Variants in RARB observed in about 807,000 individuals in gnomAD.
RARB encodes HBV-activated protein.
In RARB, 17 loss-of-function variants were observed where a neutral mutation model predicts 51.9. The ratio of observed to expected loss-of-function variants is 0.33; its 90% confidence interval spans 0.22 to 0.49. RARB has a LOEUF of 0.49. RARB is among the 20% of genes least tolerant of loss of function. The pLI is 0.99. For synonymous variants in RARB, 215 were observed against 195.4 expected (o/e 1.10, Z -0.84); for missense variants, 369 against 550.8 (o/e 0.67, Z 3.30).
intron 2 of RARB, among the ~76,000 whole-genome samples, chr3:25,011,165 G>A (rs1697386535): frequency 6.6e-6 from 1 of 152,116 alleles, no homozygotes; most frequent in Admixed American, 6.6e-5. Flanking sequence ...AGAAATCCCT[G>A]CTTTTATGGA....
At chr3:25,406,876 C>T (rs115795344) in intron 5 of RARB, among the ~76,000 whole-genome samples, 1,788 of 152,274 alleles carry the variant, frequency 0.012, 43 homozygotes, top group African/African-American at 0.041. Flanking sequence ...TTGAGCTCAT[C>T]ATTCATACCA....
intron 3 of RARB, among the ~76,000 whole-genome samples, chr3:25,065,161 A>G (rs1698636673): frequency 1.3e-5 from 2 of 150,462 alleles, no homozygotes; most frequent in South Asian, 2.1e-4. Flanking sequence ...CTTCTACATT[A>G]TTGTGAGATT....
intron 3 of RARB, among the ~76,000 whole-genome samples, chr3:25,560,370 A>G (rs564222776): frequency 3.3e-5 from 5 of 152,354 alleles, no homozygotes; most frequent in Admixed American, 6.5e-5. Context: ...GCTTCTCTAC[A>G]TTAATATCTT....
intron 4 of RARB, among the ~76,000 whole-genome samples, chr3:25,133,538 G>C (rs1187580905): frequency 6.6e-6 from 1 of 151,914 alleles, no homozygotes; most frequent in Non-Finnish European, 1.5e-5. Context: ...CTTGGTTTGA[G>C]GCAAAGCTAG....
At chr3:24,872,491 G>A (rs1020551820) in intron 2 of RARB, among the ~76,000 whole-genome samples, 1 of 152,156 alleles carries the variant, frequency 6.6e-6, no homozygotes, top group Non-Finnish European at 1.5e-5. Context: ...TACTATGCAA[G>A]AAGCACGGTG....
intron 2 of RARB, among the ~76,000 whole-genome samples, chr3:24,997,978 A>G (rs73820381): frequency 4.7e-4 from 72 of 152,144 alleles, no homozygotes; most frequent in African/African-American, 1.6e-3. Context: ...TTATATAGTG[A>G]TATTCTTTCT....
chr3:24,981,235 C>G (rs1468655045), intron 2 of RARB, among the ~76,000 whole-genome samples: 1 of 152,218 alleles, frequency 6.6e-6, no homozygotes, highest in Non-Finnish European at 1.5e-5. Flanking sequence ...CAGGGACCCA[C>G]TTGAGGAGGC....
At chr3:25,023,411 T>C (rs1489995569) in intron 2 of RARB, among the ~76,000 whole-genome samples, 1 of 152,144 alleles carries the variant, frequency 6.6e-6, no homozygotes, top group African/African-American at 2.4e-5. Flanking sequence ...TTAAGACGAA[T>C]GTTGGCTTTG....
At chr3:25,092,398 T>C (rs1291758808) in intron 3 of RARB, among the ~76,000 whole-genome samples, 1 of 152,170 alleles carries the variant, frequency 6.6e-6, no homozygotes, top group African/African-American at 2.4e-5. Context: ...TCTTTCCATA[T>C]AAAGTGTCTC....
At chr3:24,901,760 G>C (rs1332939954) in intron 2 of RARB, among the ~76,000 whole-genome samples, 2 of 152,136 alleles carry the variant, frequency 1.3e-5, no homozygotes. Flanking sequence ...TTGCTGACTA[G>C]GGGGATTCCT....
chr3:25,237,082 C>A (rs897498902), intron 5 of RARB, among the ~76,000 whole-genome samples: 1 of 151,038 alleles, frequency 6.6e-6, no homozygotes, highest in Non-Finnish European at 1.5e-5. Context: ...TAATTGCTAT[C>A]TTTCCATTTA....
intron 5 of RARB, among the ~76,000 whole-genome samples, chr3:25,302,578 T>A (rs932091259): frequency 6.6e-6 from 1 of 152,178 alleles, no homozygotes; most frequent in Non-Finnish European, 1.5e-5. Context: ...GAAAGTAGAT[T>A]AGCAGCTTCC....
At chr3:25,471,237 T>C (rs886972960) in intron 2 of RARB, among the ~76,000 whole-genome samples, 2 of 152,172 alleles carry the variant, frequency 1.3e-5, no homozygotes, top group African/African-American at 4.8e-5. Context: ...TTAACCTTCA[T>C]TGCAAAACGT....
At chr3:25,182,155 A>G (rs1700874785) in intron 5 of RARB, among the ~76,000 whole-genome samples, 2 of 152,238 alleles carry the variant, frequency 1.3e-5, no homozygotes, top group Non-Finnish European at 2.9e-5. Flanking sequence ...TAAAAGAAGC[A>G]TTGGTTCCAA....
At position 25,068,133 on chromosome 3, in the gene RARB, CAAAAAAAAAAAAAAAAAAAAAAAAA is replaced by C. The variant is rs55826425; in HGVS notation, c.-328+7976_-328+8000del. On this transcript the variant is annotated intron_variant, in intron 3 of 11. Transcript: ENST00000383772. ...TGGGCGACAGAGAGAGACTCCATCTCAAAAAAAAAAAAAAAAAAAAAAAAAAAAAAAAAAAAAAAAAAATCTTAAG... is the reference window on the plus strand; with the variant it reads ...TGGGCGACAGAGAGAGACTCCATCTCAAAAAAAAAAAAAAAAAATCTTAAG... Among the ~76,000 whole-genome samples the C allele has an allele frequency of 6.9e-3, 229 of 33,270 alleles. 1 individual carries two copies. The highest frequency in any genetic ancestry group is 0.01 in the Admixed American group (17 of 1,624). 21.8% of individuals were successfully genotyped at this position (33,270 alleles called of 152,430 possible). A position where few individuals can be genotyped will look rare whatever the true frequency, so the allele number is the denominator to read the frequency against.
chr3:25,199,689 T>A (rs1301726312), intron 5 of RARB, among the ~76,000 whole-genome samples: 1 of 152,178 alleles, frequency 6.6e-6, no homozygotes, highest in Admixed American at 6.5e-5. Context: ...AGTGAGAACA[T>A]GCAGTGTTTG....
At chr3:25,573,341 G>T (rs1379278425) in intron 4 of RARB, among the ~76,000 whole-genome samples, 1 of 152,170 alleles carries the variant, frequency 6.6e-6, no homozygotes, top group Non-Finnish European at 1.5e-5. Context: ...CAATATGGGG[G>T]TGAGTCACCC....
chr3:25,574,630 G>A (rs552374946), intron 4 of RARB, among the ~76,000 whole-genome samples: 32 of 152,326 alleles, frequency 2.1e-4, no homozygotes, highest in Admixed American at 5.9e-4. Flanking sequence ...GGGGCCTGGC[G>A]GGAGGTAAGC....
intron 2 of RARB, among the ~76,000 whole-genome samples, chr3:25,017,262 G>A (rs750620587): frequency 3.0e-5 from 4 of 131,940 alleles, no homozygotes; most frequent in South Asian, 2.3e-4. Flanking sequence ...AAGTGAACTC[G>A]ATTGTGACTA....
Sources: gnomAD v4.1 joint callset for allele counts (sites outside exome capture counted in the v4.1 genomes callset) on GRCh38, gnomAD v4.1.1 for gene constraint, MANE v1.5 for transcripts, NCBI Gene and HGNC (gene_info 2026-07-23, HGNC 2026-07-21) for gene names.